Variants in PUS7L observed in about 807,000 individuals in gnomAD.
PUS7L encodes pseudouridylate synthase PUS7L.
A neutral mutation model predicts 51.1 loss-of-function variants in PUS7L; 49 were observed. That is an observed-to-expected ratio of 0.96 (90% CI 0.76 to 1.22). The LOEUF is 1.22. PUS7L is among the 50% of genes most tolerant of loss of function. PUS7L has a pLI of 0.00. For synonymous variants in PUS7L, 277 were observed against 276.2 expected, an observed-to-expected ratio of 1.00 and a Z score of -0.03; for missense variants, 828 against 820.6, an observed-to-expected ratio of 1.01 and a Z score of -0.11.
Position 43,758,776 on chromosome 12 carries a change from C to T in PUS7L, c.-63G>A, listed in dbSNP as rs989781415. On this transcript the variant is annotated 5_prime_UTR_variant, in exon 1 of 9. Transcript: ENST00000344862. ...CATTTGCACAACGCTGTGCGCATGC[C>T]CGGAAGCCTTAAGTGTTTCAGCCTC... 7 of 968,314 alleles carry T rather than the reference C, an allele frequency of 7.2e-6. No individual in the cohort carries two copies. In the African/African-American group the frequency reaches 1.2e-4, roughly 17 times the overall value. The allele number at this position is 968,314 out of a possible 1,614,324, so 60.0% of individuals were successfully genotyped here. A position where few individuals can be genotyped will look rare whatever the true frequency, so the allele number is the denominator to read the frequency against.
chr12:43,734,016 C>A (rs1221678924), intron 7 of PUS7L, among the ~76,000 whole-genome samples: 1 of 152,112 alleles, frequency 6.6e-6, no homozygotes, highest in African/African-American at 2.4e-5. Context: ...AATCTTTACT[C>A]CCTCTTTTCA....
intron 7 of PUS7L, among the ~76,000 whole-genome samples, chr12:43,734,679 A>T (rs1944641064): frequency 6.6e-6 from 1 of 152,042 alleles, no homozygotes; most frequent in African/African-American, 2.4e-5. Flanking sequence ...TCTAGTAGAG[A>T]CCCAACAGGG....
chr12:43,742,377 G>A, intron 5 of PUS7L, 80 bp downstream of exon 5: 1 of 952,806 alleles, frequency 1.0e-6, no homozygotes, highest in Non-Finnish European at 1.6e-6. Context: ...ATATGCTAGA[G>A]TTAAGAAAGC....
intron 1 of PUS7L, among the ~76,000 whole-genome samples, chr12:43,756,383 G>A (rs1938701617): frequency 6.6e-6 from 1 of 152,140 alleles, no homozygotes; most frequent in Admixed American, 6.5e-5. Flanking sequence ...AGGACCTGGA[G>A]GCTGTAAATA....
chr12:43,744,050 T>C (rs1022955323), intron 4 of PUS7L, among the ~76,000 whole-genome samples: 1 of 152,130 alleles, frequency 6.6e-6, no homozygotes, highest in Non-Finnish European at 1.5e-5. Context: ...TTGTTTCTAA[T>C]GGGAATTTTG....
chr12:43,751,303 T>G (rs1323922112), intron 2 of PUS7L, among the ~76,000 whole-genome samples: 1 of 151,976 alleles, frequency 6.6e-6, no homozygotes, highest in East Asian at 1.9e-4. Flanking sequence ...AACCATTAAC[T>G]TGTCATTTAC....
chr12:43,736,639 T>C lies in PUS7L; in HGVS notation c.1467A>G (p.Ser489=), dbSNP rs374979366. 8.7e-6 allele frequency: 14 copies of C among 1,613,810 alleles called. No homozygotes were observed. The African/African-American group carries it at 1.5e-4, about 17-fold the overall frequency. Residue 489 remains serine, a synonymous_variant, in exon 7 of 9, where the codon TCA becomes TCG. Coordinates refer to ENST00000344862, the MANE Select transcript of PUS7L (RefSeq NM_031292.5). ...CACGCACTTTGAATTCAGGCATCAATGAAAGTGTGCCTTTAGCATCCTCTG... is the reference window on the plus strand; with the variant it reads ...CACGCACTTTGAATTCAGGCATCAACGAAAGTGTGCCTTTAGCATCCTCTG... ...LQTEDAKGTL[S]LMPEFKVRER...
At position 43,747,609 on chromosome 12, in the gene PUS7L, G is replaced by A. The variant is rs570951946; in HGVS notation, c.1070+841C>T. On this transcript the variant is annotated intron_variant, in intron 3 of 8. Coordinates refer to ENST00000344862, the MANE Select transcript of PUS7L (RefSeq NM_031292.5). ...CTCGGGAGACTGAGGCAGGAGAATC[G>A]CTTGAACTTGGGAGGTAGAGATTGC... 4.3e-3 allele frequency among the ~76,000 whole-genome samples: 648 copies of A among 152,076 alleles called. 5 individuals are homozygous for A. Among genetic ancestry groups the A allele is most frequent in the African/African-American group, 0.015 (625 of 41,534 alleles).
rs1944410981 is a variant in PUS7L at position 43,722,641 on chromosome 12, T to G, written c.*7735A>C. 6.6e-6 allele frequency: 1 copy of G among 152,246 alleles called. No homozygotes were observed. The highest frequency in any genetic ancestry group is 2.4e-5 in the African/African-American group (1 of 41,568). 9.4% of individuals were successfully genotyped at this position (152,246 alleles called of 1,614,324 possible). A position where few individuals can be genotyped will look rare whatever the true frequency, so the allele number is the denominator to read the frequency against. On this transcript the variant is annotated 3_prime_UTR_variant, in exon 9 of 9. Coordinates refer to ENST00000344862, the MANE Select transcript of PUS7L (RefSeq NM_031292.5). ...AATTCATTTTATTATAACCTATCATTCATTTTATTATAATGGAATTATAAA... is the reference window on the plus strand; with the variant it reads ...AATTCATTTTATTATAACCTATCATGCATTTTATTATAATGGAATTATAAA...
intron 5 of PUS7L, among the ~76,000 whole-genome samples, chr12:43,741,396 C>A (rs1410379163): frequency 1.3e-5 from 2 of 152,170 alleles, no homozygotes; most frequent in Non-Finnish European, 2.9e-5. Flanking sequence ...ATGCTATCTC[C>A]ATTTTACAGA....
intron 1 of PUS7L, 144 bp downstream of exon 1, chr12:43,758,586 G>A: frequency 1.0e-6 from 1 of 981,856 alleles, no homozygotes; most frequent in South Asian, 4.7e-5. Context: ...CTGTCCAAAG[G>A]CACGACACTA....
chr12:43,739,907 G>C (rs1243576088), intron 5 of PUS7L: 1 of 152,098 alleles, frequency 6.6e-6, no homozygotes, highest in Non-Finnish European at 1.5e-5. Context: ...ACAACCTAGA[G>C]TTCTGTCATC....
chr12:43,738,522 C>G, intron 5 of PUS7L, 131 bp from the exon 6 acceptor site: 1 of 598,298 alleles, frequency 1.7e-6, no homozygotes, highest in Non-Finnish European at 2.9e-6. Flanking sequence ...GCAATTTTCT[C>G]TTTAGGCTTG....
At chr12:43,754,013 T>C (rs1268615747) in intron 2 of PUS7L, among the ~76,000 whole-genome samples, 1 of 152,166 alleles carries the variant, frequency 6.6e-6, no homozygotes, top group Non-Finnish European at 1.5e-5. Context: ...GAAATCAAGA[T>C]TTACCTTCAA....
rs894539328 is a variant in PUS7L at position 43,729,496 on chromosome 12, T to C, written c.*880A>G. ...TAAAATGGTGAAGGATGATTTATAA[T>C]GTGGGATAGTTAAACCAACAAAAAT... On this transcript the variant is annotated 3_prime_UTR_variant, in exon 9 of 9. Transcript: ENST00000344862. The C allele has an allele frequency of 6.3e-6, 2 of 315,296 alleles. No homozygotes were observed. The highest frequency in any genetic ancestry group is 4.3e-5 in the African/African-American group (2 of 46,952). 19.5% of individuals were successfully genotyped at this position (315,296 alleles called of 1,614,324 possible).
At position 43,727,378 on chromosome 12, in the gene PUS7L, T is replaced by C. The variant is rs1027761483; in HGVS notation, c.*2998A>G. 6.6e-6 allele frequency: 1 copy of C among 152,176 alleles called. No homozygotes were observed. The highest frequency in any genetic ancestry group is 1.5e-5 in the Non-Finnish European group (1 of 68,022). The allele number at this position is 152,176 out of a possible 1,614,324, so 9.4% of individuals were successfully genotyped here. A position where few individuals can be genotyped will look rare whatever the true frequency, so the allele number is the denominator to read the frequency against. On this transcript the variant is annotated 3_prime_UTR_variant, in exon 9 of 9. Coordinates refer to ENST00000344862, the MANE Select transcript of PUS7L (RefSeq NM_031292.5). ...ATAAATTGTTCTACCATAAAGACCATGCACGCCTATGTTCATTACAGCACT... is the reference window on the plus strand; with the variant it reads ...ATAAATTGTTCTACCATAAAGACCACGCACGCCTATGTTCATTACAGCACT...
Position 43,755,178 on chromosome 12 carries a change from A to G in PUS7L, c.68T>C (p.Phe23Ser), listed in dbSNP as rs200783649. 1.8e-5 allele frequency: 29 copies of G among 1,612,250 alleles called. No individual in the cohort carries two copies. In the East Asian group the frequency reaches 6.3e-4, roughly 35 times the overall value. The change falls in exon 2 of 9, where the codon TTT (phenylalanine) becomes TCT (serine). Residue 23 changes from phenylalanine (F) to serine (S), a missense_variant. By Grantham distance (155) the Phe-to-Ser change is radical. Transcript: ENST00000344862. ...TGGTGAGCTTTTTATAGTGCCATGA[A>G]ATCCAACGTGATCATTAAAGAAACA... ...SLCFFNDHVGFHGTIKSSPSD... is the reference protein window; with the variant it reads ...SLCFFNDHVGSHGTIKSSPSD...
rs1040447349 is a variant in PUS7L at position 43,725,022 on chromosome 12, T to G, written c.*5354A>C. The stretch of plus-strand genomic sequence containing the variant: ...GATGTTTCTGAGCCTGAGGCCTGCA[T>G]AGTTGGCTAAAAAGGTAAATCAGCC... On this transcript the variant is annotated 3_prime_UTR_variant, in exon 9 of 9. Transcript: ENST00000344862. 1.3e-5 allele frequency: 2 copies of G among 152,214 alleles called. No individual in the cohort carries two copies. Among genetic ancestry groups the G allele is most frequent in the Admixed American group, 6.5e-5 (1 of 15,276 alleles). The allele number at this position is 152,214 out of a possible 1,614,324, so 9.4% of individuals were successfully genotyped here.
Position 43,754,462 on chromosome 12 carries a change from A to C in PUS7L, c.784T>G (p.Phe262Val). The C allele has an allele frequency of 1.2e-6, 2 of 1,613,950 alleles. No individual in the cohort carries two copies. Residue 262 changes from phenylalanine to valine, a missense_variant, in exon 2 of 9, where the codon TTT becomes GTT. By Grantham distance (50) the Phe-to-Val change is conservative. Coordinates refer to ENST00000344862, the MANE Select transcript of PUS7L (RefSeq NM_031292.5). Reference sequence around the variant, plus strand: ...CCAGCACTGCAATTCATTTTAGAAAAAGATTTGGTTTCCACAAGGTTTCCA... The same window carrying C: ...CCAGCACTGCAATTCATTTTAGAAACAGATTTGGTTTCCACAAGGTTTCCA... ...KFGNLVETKS[F>V]SKMNCSAGNP...
Sources: allele counts gnomAD v4.1 joint callset (sites outside exome capture counted in the v4.1 genomes callset), GRCh38; gene constraint gnomAD v4.1.1; transcripts MANE v1.5; gene names NCBI Gene and HGNC (gene_info 2026-07-23, HGNC 2026-07-21).